RALYL: variants seen among roughly 807,000 people sequenced by gnomAD.
RALYL encodes RNA-binding Raly-like protein.
In RALYL, 29 loss-of-function variants were observed where a neutral mutation model predicts 35.1. The observed-to-expected ratio is 0.83, with a 90% CI of 0.61 to 1.13. RALYL has a LOEUF of 1.13. RALYL is among the 50% of genes most tolerant of loss of function. The probability of loss-of-function intolerance (pLI) is 0.00; values close to 1 mark genes in which losing one functional copy is unlikely to be tolerated. For synonymous variants in RALYL, 120 were observed against 127.6 expected (o/e 0.94, Z 0.40); for missense variants, 359 against 360.4 (o/e 1.00, Z 0.03).
chr8:84,461,186 A>G (rs886089792), intron 1 of RALYL, among the ~76,000 whole-genome samples: 4 of 151,712 alleles, frequency 2.6e-5, no homozygotes, highest in African/African-American at 7.2e-5. Flanking sequence ...AAATGTGGAA[A>G]CCCTGTTTTT....
At chr8:84,511,973 T>G (rs1431153326) in intron 1 of RALYL, among the ~76,000 whole-genome samples, 1 of 152,202 alleles carries the variant, frequency 6.6e-6, no homozygotes, top group East Asian at 1.9e-4. Context: ...TCCATAACTT[T>G]GCTATTGTGA....
chr8:84,318,296 G>T (rs1213364792), intron 1 of RALYL, among the ~76,000 whole-genome samples: 1 of 152,108 alleles, frequency 6.6e-6, no homozygotes, highest in Admixed American at 6.5e-5. Flanking sequence ...TATCTTTTCT[G>T]TTGCTCTCAG....
intron 5 of RALYL, among the ~76,000 whole-genome samples, chr8:84,855,022 C>A (rs1836692184): frequency 6.6e-6 from 1 of 152,186 alleles, no homozygotes. Flanking sequence ...TCTGCTGATG[C>A]TACTGGAATG....
intron 8 of RALYL, among the ~76,000 whole-genome samples, chr8:84,916,327 T>C (rs1442761616): frequency 6.6e-6 from 1 of 152,014 alleles, no homozygotes; most frequent in Non-Finnish European, 1.5e-5. Context: ...TCATTAACTC[T>C]GAAAAAGAGG....
chr8:84,469,392 G>T (rs1429950955), intron 1 of RALYL, among the ~76,000 whole-genome samples: 3 of 152,104 alleles, frequency 2.0e-5, no homozygotes, highest in Admixed American at 6.5e-5. Context: ...GTCTGTTGGA[G>T]TACCCTGCCG....
chr8:84,702,539 TCACA>T lies in RALYL; in HGVS notation c.257-72016_257-72013del, dbSNP rs10678224. 4.3e-3 allele frequency among the ~76,000 whole-genome samples: 583 copies of T among 136,508 alleles called. 5 individuals are homozygous for T. The highest frequency in any genetic ancestry group is 0.016 in the African/African-American group (521 of 32,542). 89.6% of individuals were successfully genotyped at this position (136,508 alleles called of 152,430 possible). On this transcript the variant is annotated intron_variant, in intron 2 of 8. Transcript: ENST00000521268. ...TGCATAGTCTCTCTCTCTCTCTCTC[TCACA>T]CACACACACACACACACACACACTC...
At chr8:84,242,030 T>C (rs1402104965) in intron 1 of RALYL, among the ~76,000 whole-genome samples, 2 of 152,070 alleles carry the variant, frequency 1.3e-5, no homozygotes, top group African/African-American at 2.4e-5. Flanking sequence ...CAGGCCCTAG[T>C]GTGTGTTGTT....
chr8:84,887,594 C>CG lies in RALYL; in HGVS notation c.686-10_686-9insG. On this transcript the variant is annotated splice_polypyrimidine_tract_variant and intron_variant, in intron 7 of 8. Coordinates refer to ENST00000521268, the MANE Select transcript of RALYL (RefSeq NM_173848.7). ...CAAGGTAGTAGTCATTTGCTTTCTC[C>CG]CCCCCCCAGAAGCTCAGAAGAAGCA... 6.8e-7 allele frequency: 1 copy of CG among 1,477,866 alleles called. No homozygotes were observed. The highest frequency in any genetic ancestry group is 8.9e-7 in the Non-Finnish European group (1 of 1,124,530). 91.5% of individuals were successfully genotyped at this position (1,477,866 alleles called of 1,614,324 possible). A position where few individuals can be genotyped will look rare whatever the true frequency, so the allele number is the denominator to read the frequency against.
intron 2 of RALYL, among the ~76,000 whole-genome samples, chr8:84,750,066 C>T (rs1465731338): frequency 6.6e-6 from 1 of 152,150 alleles, no homozygotes; most frequent in Non-Finnish European, 1.5e-5. Context: ...GGATGCTGCA[C>T]TCTCAGCACA....
At chr8:84,336,017 A>G (rs556923532) in intron 1 of RALYL, among the ~76,000 whole-genome samples, 78 of 152,278 alleles carry the variant, frequency 5.1e-4, no homozygotes, top group African/African-American at 1.9e-3. Context: ...AATAATCCCA[A>G]TAGTCTGGCA....
chr8:84,302,071 A>G (rs1451471426), intron 1 of RALYL, among the ~76,000 whole-genome samples: 1 of 152,186 alleles, frequency 6.6e-6, no homozygotes, highest in East Asian at 1.9e-4. Flanking sequence ...CCAATGCAAT[A>G]ATAGTTGAAA....
chr8:84,351,966 T>C (rs1850981567), intron 1 of RALYL, among the ~76,000 whole-genome samples: 1 of 150,284 alleles, frequency 6.7e-6, no homozygotes, highest in Admixed American at 6.6e-5. Context: ...TTTCACAGCG[T>C]GCAGTAATTG....
intron 1 of RALYL, among the ~76,000 whole-genome samples, chr8:84,471,363 G>T (rs868803002): frequency 6.6e-6 from 1 of 151,480 alleles, no homozygotes; most frequent in African/African-American, 2.4e-5. Context: ...TGGGAGGATC[G>T]CTTGAGGCCA....
Position 84,794,169 on chromosome 8 carries a change from A to G in RALYL, c.333-10601A>G, listed in dbSNP as rs1821401373. Among the ~76,000 whole-genome samples, 6 of 152,330 alleles carry G rather than the reference A, an allele frequency of 3.9e-5. No homozygotes were observed. In the South Asian group the frequency reaches 1.2e-3, roughly 32 times the overall value. On this transcript the variant is annotated intron_variant, in intron 3 of 8. Transcript: ENST00000521268. ...AACCTACTAGGCCAGGGCCTTGAAA[A>G]TACATAGATCATGTCATTTAGCACC...
intron 2 of RALYL, among the ~76,000 whole-genome samples, chr8:84,698,450 A>G (rs1435032855): frequency 6.6e-6 from 1 of 152,134 alleles, no homozygotes; most frequent in Non-Finnish European, 1.5e-5. Flanking sequence ...TATTCTTTGA[A>G]GCAGAATATG....
intron 5 of RALYL, among the ~76,000 whole-genome samples, chr8:84,856,066 G>A (rs914907505): frequency 3.3e-5 from 5 of 152,182 alleles, no homozygotes; most frequent in African/African-American, 1.2e-4. Context: ...ACAATGTTTT[G>A]TTATGCAAAT....
intron 7 of RALYL, among the ~76,000 whole-genome samples, chr8:84,878,156 C>T (rs954801515): frequency 6.6e-6 from 1 of 152,120 alleles, no homozygotes; most frequent in Admixed American, 6.5e-5. Context: ...ATCCCAACTG[C>T]ACTTTGAAAG....
chr8:84,477,891 A>T (rs1174169892), intron 1 of RALYL, among the ~76,000 whole-genome samples: 7 of 152,036 alleles, frequency 4.6e-5, no homozygotes, highest in Non-Finnish European at 8.8e-5. Context: ...GTATCAAACC[A>T]TGCAAGTGTA....
intron 1 of RALYL, among the ~76,000 whole-genome samples, chr8:84,359,565 C>T (rs1852534140): frequency 2.0e-5 from 3 of 151,950 alleles, no homozygotes; most frequent in Admixed American, 1.3e-4. Flanking sequence ...TGTACATGTT[C>T]TTTGTCTAAT....
Sources: allele counts gnomAD v4.1 joint callset (sites outside exome capture counted in the v4.1 genomes callset), GRCh38; gene constraint gnomAD v4.1.1; transcripts MANE v1.5; gene names NCBI Gene and HGNC (gene_info 2026-07-23, HGNC 2026-07-21).